The following CHN1 variants were observed in gnomAD, a reference collection of about 807,000 sequenced individuals.
CHN1 encodes N-chimaerin.
In CHN1, 37 loss-of-function variants were observed where a neutral mutation model predicts 59.5. The ratio of observed to expected loss-of-function variants is 0.62; its 90% confidence interval spans 0.48 to 0.82. The LOEUF is 0.82. Among genes scored for constraint, CHN1 ranks in the 40% least tolerant of loss-of-function variants. The probability of loss-of-function intolerance (pLI) is 0.00; values close to 1 mark genes in which losing one functional copy is unlikely to be tolerated. For missense variants in CHN1, 469 were observed against 571.0 expected, an observed-to-expected ratio of 0.82 and a Z score of 1.82; for synonymous variants, 206 against 200.4, an observed-to-expected ratio of 1.03 and a Z score of -0.24.
chr2:174,930,546 G>T (rs1399681715), intron 3 of CHN1, among the ~76,000 whole-genome samples: 2 of 152,100 alleles, frequency 1.3e-5, no homozygotes, highest in Non-Finnish European at 2.9e-5. Flanking sequence ...GGGGTTGGGG[G>T]GCAAGTCAAG....
rs371897148 is a variant in CHN1, at chr2:174,800,134, G to A, written c.1362C>T (p.Asn454=). 37 of 1,574,106 alleles carry A rather than the reference G, an allele frequency of 2.4e-5. No homozygotes were observed. The highest frequency in any genetic ancestry group is 1.8e-4 in the East Asian group (8 of 44,610). The change falls in exon 13 of 13, where the codon AAC becomes AAT. Residue 454 remains asparagine (N), a synonymous_variant. Transcript: ENST00000409900. ...QRLVVELLIK[N]EDILF ...TAAAAATTTAAAATAAAATGTCTTCGTTTTTGATAAGCAGCTCCACCACCA... is the reference window on the plus strand; with the variant it reads ...TAAAAATTTAAAATAAAATGTCTTCATTTTTGATAAGCAGCTCCACCACCA...
At chr2:174,975,037 G>A (rs1690877939) in intron 1 of CHN1, among the ~76,000 whole-genome samples, 1 of 151,920 alleles carries the variant, frequency 6.6e-6, no homozygotes, top group South Asian at 2.1e-4. Context: ...ACTGCTAAAT[G>A]TAACATTTTC....
Position 174,824,630 on chromosome 2 carries a change from A to ATC in CHN1, c.628-113_628-112insGA. ...CCACATATTCTATATATATATATATATGAGAGAAAGAGAAATGGGGTCTCA... is the reference window on the plus strand; with the variant it reads ...CCACATATTCTATATATATATATATATCTGAGAGAAAGAGAAATGGGGTCTCA... On this transcript the variant is annotated intron_variant, in intron 7 of 12. Coordinates refer to ENST00000409900, the MANE Select transcript of CHN1 (RefSeq NM_001822.7). 6.3e-6 allele frequency: 3 copies of ATC among 474,184 alleles called. No homozygotes were observed. In the South Asian group the frequency reaches 8.1e-5, roughly 13 times the overall value. 29.4% of individuals were successfully genotyped at this position (474,184 alleles called of 1,614,324 possible). A position where few individuals can be genotyped will look rare whatever the true frequency, so the allele number is the denominator to read the frequency against.
chr2:174,994,802 G>A (rs1323550947), intron 1 of CHN1, among the ~76,000 whole-genome samples: 2 of 152,146 alleles, frequency 1.3e-5, no homozygotes, highest in Non-Finnish European at 2.9e-5. Flanking sequence ...TCTCTAAGTG[G>A]GAGACAGTGA....
At chr2:174,890,664 A>G (rs1021753335) in intron 5 of CHN1, among the ~76,000 whole-genome samples, 1 of 152,204 alleles carries the variant, frequency 6.6e-6, no homozygotes, top group Non-Finnish European at 1.5e-5. Context: ...TTTAATAATG[A>G]GTAGAAAAAC....
intron 6 of CHN1, among the ~76,000 whole-genome samples, chr2:174,857,577 C>A (rs143491475): frequency 8.6e-4 from 131 of 152,164 alleles, no homozygotes; most frequent in Non-Finnish European, 1.3e-3. Flanking sequence ...CTAACACTAT[C>A]TAATGTTTGG....
chr2:174,991,322 C>T (rs1243655494), intron 1 of CHN1, among the ~76,000 whole-genome samples: 3 of 152,162 alleles, frequency 2.0e-5, no homozygotes, highest in Non-Finnish European at 4.4e-5. Flanking sequence ...CATCATTTTT[C>T]CTACCTTTAG....
At chr2:174,919,959 T>C (rs1383594307) in intron 3 of CHN1, among the ~76,000 whole-genome samples, 1 of 152,152 alleles carries the variant, frequency 6.6e-6, no homozygotes, top group Non-Finnish European at 1.5e-5. Context: ...TCCTTCTCCT[T>C]CCCTCTGCCC....
intron 11 of CHN1, among the ~76,000 whole-genome samples, chr2:174,807,513 T>C (rs1222941116): frequency 2.1e-5 from 3 of 141,802 alleles, no homozygotes; most frequent in Middle Eastern, 3.7e-3. Flanking sequence ...TGTGTGTGTG[T>C]TGCTTTCTAG....
intron 3 of CHN1, among the ~76,000 whole-genome samples, chr2:174,936,704 AT>A (rs1689507943): frequency 2.0e-5 from 3 of 152,160 alleles, no homozygotes; most frequent in Admixed American, 6.5e-5. Context: ...AATATGTACC[AT>A]TACTTTATGG....
rs190746537 is a variant in CHN1, at chr2:174,983,745, T to C, written c.19+21149A>G. ...CGGGAGGCTGAAGCAGGAGAATTAG[T>C]TGAACCCAGGAGGCTGAGGTTGCAG... On this transcript the variant is annotated intron_variant, in intron 1 of 12. Transcript: ENST00000409900. Among the ~76,000 whole-genome samples the C allele has an allele frequency of 2.0e-3, 312 of 152,240 alleles. 1 individual carries two copies. The highest frequency in any genetic ancestry group is 7.3e-3 in the African/African-American group (302 of 41,536).
intron 3 of CHN1, among the ~76,000 whole-genome samples, chr2:174,925,918 C>T (rs906620681): frequency 2.0e-5 from 3 of 152,126 alleles, no homozygotes; most frequent in Admixed American, 6.5e-5. Context: ...TTCTCTGGGC[C>T]TTGTTACTCA....
intron 8 of CHN1, among the ~76,000 whole-genome samples, chr2:174,818,369 T>C (rs1420902235): frequency 6.6e-6 from 1 of 152,156 alleles, no homozygotes; most frequent in East Asian, 1.9e-4. Flanking sequence ...ACACTTACAT[T>C]CACAGTGCAA....
chr2:174,958,494 C>T (rs1323374380), intron 1 of CHN1, among the ~76,000 whole-genome samples: 1 of 152,132 alleles, frequency 6.6e-6, no homozygotes, highest in Non-Finnish European at 1.5e-5. Flanking sequence ...AAAGCTGCAC[C>T]TATGAGCCGT....
At chr2:174,918,010 T>C (rs1688898112) in intron 4 of CHN1, among the ~76,000 whole-genome samples, 1 of 152,130 alleles carries the variant, frequency 6.6e-6, no homozygotes, top group Non-Finnish European at 1.5e-5. Flanking sequence ...ATGTATAATA[T>C]CTCAATTTGG....
intron 1 of CHN1, among the ~76,000 whole-genome samples, chr2:174,972,746 T>C (rs528348844): frequency 6.6e-6 from 1 of 152,264 alleles, no homozygotes; most frequent in South Asian, 2.1e-4. Flanking sequence ...CTAAGCGTTA[T>C]CACGTAAGGA....
At position 174,874,182 on chromosome 2, in the gene CHN1, T is replaced by C. The variant is rs772605592; in HGVS notation, c.549+3658A>G. Among the ~76,000 whole-genome samples the C allele has an allele frequency of 3.3e-5, 5 of 152,252 alleles. No individual in the cohort carries two copies. The East Asian group carries it at 7.7e-4, about 23-fold the overall frequency. ...TCATTAAAACTATTGCATTCAGCCA[T>C]TGGTCCAGTATCTGTTGACATAAAC... On this transcript the variant is annotated intron_variant, in intron 6 of 12. Transcript: ENST00000409900.
intron 8 of CHN1, among the ~76,000 whole-genome samples, chr2:174,816,076 GA>G (rs925559654): frequency 7.9e-5 from 12 of 152,252 alleles, no homozygotes; most frequent in Middle Eastern, 3.4e-3. Context: ...CTGGGTTGGG[GA>G]ATAGTACTAT....
intron 11 of CHN1, among the ~76,000 whole-genome samples, chr2:174,806,130 G>T (rs1200705267): frequency 1.3e-5 from 2 of 152,140 alleles, no homozygotes; most frequent in Non-Finnish European, 2.9e-5. Flanking sequence ...AACTGCAGGG[G>T]GAGGGAGTAA....
Sources: gnomAD v4.1 joint callset for allele counts (sites outside exome capture counted in the v4.1 genomes callset) on GRCh38, gnomAD v4.1.1 for gene constraint, MANE v1.5 for transcripts, NCBI Gene and HGNC (gene_info 2026-07-23, HGNC 2026-07-21) for gene names.